Variants in NTN1 observed in about 807,000 individuals in gnomAD.
NTN1 encodes the protein netrin-1.
In NTN1, 11 loss-of-function variants were observed where a neutral mutation model predicts 54.2. The observed-to-expected ratio is 0.20, with a 90% CI of 0.13 to 0.34. The LOEUF (loss-of-function observed/expected upper bound fraction) is 0.34. Among genes scored for constraint, NTN1 ranks in the 10% least tolerant of loss-of-function variants. The pLI is 1.00. For synonymous variants in NTN1, 371 were observed against 382.0 expected, an observed-to-expected ratio of 0.97 and a Z score of 0.33; for missense variants, 740 against 893.1, an observed-to-expected ratio of 0.83 and a Z score of 2.18.
At chr17:9,042,202 G>T (rs1014526169) in intron 2 of NTN1, among the ~76,000 whole-genome samples, 1 of 152,084 alleles carries the variant, frequency 6.6e-6, no homozygotes, top group Non-Finnish European at 1.5e-5. Flanking sequence ...GTGTGAAGGG[G>T]TATCTTGTTG....
At chr17:9,193,311 G>A (rs1904518677) in intron 5 of NTN1, among the ~76,000 whole-genome samples, 1 of 152,102 alleles carries the variant, frequency 6.6e-6, no homozygotes. Flanking sequence ...TTTGAAAAAT[G>A]TTGAGAAGTA....
At chr17:9,095,384 C>T (rs1359768568) in intron 2 of NTN1, among the ~76,000 whole-genome samples, 1 of 152,196 alleles carries the variant, frequency 6.6e-6, no homozygotes, top group East Asian at 1.9e-4. Flanking sequence ...TGTATTCTAG[C>T]ACTTTCATAG....
intron 2 of NTN1, among the ~76,000 whole-genome samples, chr17:9,034,983 G>GCC (rs2091898960): frequency 6.6e-6 from 1 of 151,604 alleles, no homozygotes; most frequent in East Asian, 2.0e-4. Context: ...GTTTCGCTCT[G>GCC]TCGCCCAGGC....
At position 9,165,022 on chromosome 17, in the gene NTN1, A is replaced by C. The variant is rs539404539; in HGVS notation, c.1207+2021A>C. ...TTTGTTGTCTCTCTTTTACAGAAGAAATGGAGGCCAGGGGTCTTGTAAACA... is the reference window on the plus strand; with the variant it reads ...TTTGTTGTCTCTCTTTTACAGAAGACATGGAGGCCAGGGGTCTTGTAAACA... On this transcript the variant is annotated intron_variant, in intron 3 of 6. Coordinates refer to ENST00000173229, the MANE Select transcript of NTN1 (RefSeq NM_004822.3). This position sits in a 1 kb window ranked among gnomAD's most constrained non-coding sequence, Gnocchi z 4.5. Among the ~76,000 whole-genome samples, 2 of 152,284 alleles carry C rather than the reference A, an allele frequency of 1.3e-5. No homozygotes were observed. The highest frequency in any genetic ancestry group is 4.8e-5 in the African/African-American group (2 of 41,554).
the NTN1 span, among the ~76,000 whole-genome samples, chr17:9,007,388 TTC>T: frequency 1.5e-4 from 22 of 150,572 alleles, 1 homozygote; most frequent in African/African-American, 2.4e-4. Context: ...TTCCTTGTCT[TTC>T]TCTCTTTCTC....
chr17:9,241,938 T>C lies in NTN1; in HGVS notation c.*1970T>C, dbSNP rs1906227723. 1 of 152,272 alleles carries C rather than the reference T, an allele frequency of 6.6e-6. No individual in the cohort carries two copies. The highest frequency in any genetic ancestry group is 1.5e-5 in the Non-Finnish European group (1 of 68,098). The allele number at this position is 152,272 out of a possible 1,614,324, so 9.4% of individuals were successfully genotyped here. ...CCCTGTGCAGGCTGGGAGGGTGCTCTTGGGGGAGTGGCCACCGAGCCCCTG... is the reference window on the plus strand; with the variant it reads ...CCCTGTGCAGGCTGGGAGGGTGCTCCTGGGGGAGTGGCCACCGAGCCCCTG... On this transcript the variant is annotated 3_prime_UTR_variant, in exon 7 of 7. Coordinates refer to ENST00000173229, the MANE Select transcript of NTN1 (RefSeq NM_004822.3).
intron 4 of NTN1, among the ~76,000 whole-genome samples, chr17:9,182,376 G>A (rs1384373805): frequency 6.6e-6 from 1 of 152,234 alleles, no homozygotes; most frequent in Non-Finnish European, 1.5e-5. Flanking sequence ...TGCCCATTAA[G>A]AAAATGCCTT....
chr17:9,093,398 T>G (rs1030178636), intron 2 of NTN1, among the ~76,000 whole-genome samples: 3 of 152,238 alleles, frequency 2.0e-5, no homozygotes, highest in Admixed American at 6.5e-5. Context: ...GGTCTCACTC[T>G]GTTGCCCAGG....
intron 2 of NTN1, among the ~76,000 whole-genome samples, chr17:9,038,611 T>G (rs1048408765): frequency 6.6e-6 from 1 of 152,072 alleles, no homozygotes; most frequent in Non-Finnish European, 1.5e-5. Flanking sequence ...TAAAGCCTGT[T>G]TCCAGGTCTA....
At chr17:9,083,005 G>A (rs2092076900) in intron 2 of NTN1, among the ~76,000 whole-genome samples, 1 of 152,200 alleles carries the variant, frequency 6.6e-6, no homozygotes, top group East Asian at 1.9e-4. Context: ...AGAGACAGGA[G>A]GTTGTAGGGG....
chr17:9,108,695 C>G (rs1413512727), intron 2 of NTN1, among the ~76,000 whole-genome samples: 1 of 152,192 alleles, frequency 6.6e-6, no homozygotes, highest in Non-Finnish European at 1.5e-5. Flanking sequence ...ACTCATCCTT[C>G]AAGGCTCTGG....
intron 5 of NTN1, among the ~76,000 whole-genome samples, chr17:9,193,288 A>C (rs1904518236): frequency 6.6e-6 from 1 of 152,182 alleles, no homozygotes; most frequent in South Asian, 2.1e-4. Context: ...TCAACTCATT[A>C]TAAACTTTTT....
intron 5 of NTN1, among the ~76,000 whole-genome samples, chr17:9,197,361 A>C (rs980155907): frequency 2.6e-5 from 4 of 152,284 alleles, no homozygotes; most frequent in African/African-American, 9.6e-5. Context: ...AAGAGGGATT[A>C]GAAATTCATG....
At chr17:9,116,825 A>G (rs2092214301) in intron 2 of NTN1, among the ~76,000 whole-genome samples, 1 of 151,094 alleles carries the variant, frequency 6.6e-6, no homozygotes, top group Non-Finnish European at 1.5e-5. Flanking sequence ...GTAGACAGGA[A>G]GGAGAAAGGT....
intron 2 of NTN1, among the ~76,000 whole-genome samples, chr17:9,056,952 C>T (rs954448726): frequency 6.6e-6 from 1 of 152,092 alleles, no homozygotes; most frequent in African/African-American, 2.4e-5. Context: ...CTGTGTGCCC[C>T]CCGTCTCGTC....
At chr17:9,192,259 AG>A (rs1785446882) in intron 5 of NTN1, among the ~76,000 whole-genome samples, 1 of 152,240 alleles carries the variant, frequency 6.6e-6, no homozygotes, top group Non-Finnish European at 1.5e-5. Context: ...AACAAAAGAG[AG>A]ACACAACCTA....
At chr17:9,167,763 A>T (rs2092377070) in intron 3 of NTN1, among the ~76,000 whole-genome samples, 1 of 105,446 alleles carries the variant, frequency 9.5e-6, no homozygotes, top group Admixed American at 8.6e-5. Flanking sequence ...AATGAACACC[A>T]CAGTCTTGCC....
chr17:9,010,147 A>G, the NTN1 span, among the ~76,000 whole-genome samples: 4 of 152,220 alleles, frequency 2.6e-5, no homozygotes, highest in Non-Finnish European at 4.4e-5. Context: ...CATGTCCCCA[A>G]GGATCTTAAG....
intron 2 of NTN1, among the ~76,000 whole-genome samples, chr17:9,083,459 A>G (rs1315695768): frequency 6.6e-6 from 1 of 152,246 alleles, no homozygotes; most frequent in Non-Finnish European, 1.5e-5. Context: ...TGATTGATCA[A>G]TACACAGCAT....
Sources: gnomAD v4.1 joint callset for allele counts (sites outside exome capture counted in the v4.1 genomes callset) on GRCh38, gnomAD v4.1.1 for gene constraint, Gnocchi (gnomAD v3.1) non-coding constraint, MANE v1.5 for transcripts, NCBI Gene and HGNC (gene_info 2026-07-23, HGNC 2026-07-21) for gene names.